The following ACYP2 variants were observed in gnomAD, a reference collection of about 807,000 sequenced individuals.
The protein encoded by ACYP2 is acylphosphatase 2, also known as acylphosphatase-2.
A neutral mutation model predicts 11.2 loss-of-function variants in ACYP2; 12 were observed. That is an observed-to-expected ratio of 1.08 (90% CI 0.69 to 1.74). The LOEUF is 1.74. ACYP2 is among the 40% of genes most tolerant of loss of function. The pLI is 0.00. For synonymous variants in ACYP2, 43 were observed against 32.2 expected (o/e 1.33, Z -1.13); for missense variants, 134 against 101.9 (o/e 1.31, Z -1.35).
At chr2:54,201,662 C>CTTTCTT (rs1553391410) in intron 6 of ACYP2, among the ~76,000 whole-genome samples, 1 of 80,318 alleles carries the variant, frequency 1.2e-5, no homozygotes, top group Non-Finnish European at 2.8e-5. Flanking sequence ...TTCTTTCTTT[C>CTTTCTT]TTTCTTTCTT....
chr2:54,102,638 CAAAAAAA>C (rs58842257), intron 4 of ACYP2, among the ~76,000 whole-genome samples: 2,037 of 81,702 alleles, frequency 0.025, 2 homozygotes, highest in Non-Finnish European at 0.035. Context: ...TGGCTTAAGC[CAAAAAAA>C]AAAAAAAAAA....
At chr2:54,150,888 C>T (rs1419532260) in intron 6 of ACYP2, among the ~76,000 whole-genome samples, 1 of 151,792 alleles carries the variant, frequency 6.6e-6, no homozygotes, top group East Asian at 1.9e-4. Context: ...ACTACAGGCG[C>T]CCACTACCAC....
intron 6 of ACYP2, 68 bp from the exon 4 acceptor site, chr2:54,304,620 G>A: frequency 9.3e-7 from 1 of 1,070,190 alleles, no homozygotes; most frequent in South Asian, 1.4e-5. Flanking sequence ...TACCTACTGT[G>A]GGCTCATTTT....
At chr2:54,264,932 A>G (rs1468461979) in intron 6 of ACYP2, among the ~76,000 whole-genome samples, 2 of 152,240 alleles carry the variant, frequency 1.3e-5, no homozygotes, top group East Asian at 3.8e-4. Flanking sequence ...TTTAGAAGTC[A>G]AGTGTTAAGG....
At chr2:54,290,303 C>A (rs542079253) in intron 6 of ACYP2, among the ~76,000 whole-genome samples, 1 of 151,950 alleles carries the variant, frequency 6.6e-6, no homozygotes, top group South Asian at 2.1e-4. Flanking sequence ...AACCATAGAA[C>A]GTTGCATGCC....
intron 6 of ACYP2, among the ~76,000 whole-genome samples, chr2:54,178,051 C>T (rs1683543366): frequency 6.6e-6 from 1 of 151,706 alleles, no homozygotes; most frequent in South Asian, 2.1e-4. Flanking sequence ...ATTAAAGGTG[C>T]TTGCCATCAC....
chr2:54,070,522 T>C (rs1279398577), intron 4 of ACYP2, among the ~76,000 whole-genome samples: 2 of 152,224 alleles, frequency 1.3e-5, no homozygotes, highest in Non-Finnish European at 1.5e-5. Context: ...GTGAGATTTT[T>C]CCCCACTTAC....
chr2:54,249,126 G>A (rs1297712441), intron 6 of ACYP2, among the ~76,000 whole-genome samples: 1 of 152,088 alleles, frequency 6.6e-6, no homozygotes, highest in Non-Finnish European at 1.5e-5. Flanking sequence ...GTGGTGCATT[G>A]ACAAGGATAT....
chr2:54,042,057 G>C (rs1443499538), intron 2 of ACYP2, among the ~76,000 whole-genome samples: 1 of 149,716 alleles, frequency 6.7e-6, no homozygotes. Context: ...GCCCAGGCTG[G>C]AGTGCAGTGG....
chr2:54,274,980 C>T lies in ACYP2; in HGVS notation c.405-29708C>T, dbSNP rs542817438. On this transcript the variant is annotated intron_variant, in intron 6 of 6. Transcript: ENST00000607452. Reference sequence around the variant, plus strand: ...TCAACCTCACATAGCTCAAAATACTCAGTTCAACCTGAGATGGTCCTGAAT... The same window carrying T: ...TCAACCTCACATAGCTCAAAATACTTAGTTCAACCTGAGATGGTCCTGAAT... Among the ~76,000 whole-genome samples the T allele has an allele frequency of 2.0e-5, 3 of 152,284 alleles. No homozygotes were observed. The South Asian group carries it at 6.2e-4, about 32-fold the overall frequency.
At chr2:54,288,280 G>A (rs1225334159) in intron 6 of ACYP2, among the ~76,000 whole-genome samples, 1 of 151,914 alleles carries the variant, frequency 6.6e-6, no homozygotes, top group African/African-American at 2.4e-5. Flanking sequence ...GGTGACCAAG[G>A]CATATCCTCC....
At chr2:54,085,409 T>A (rs926604103) in intron 4 of ACYP2, among the ~76,000 whole-genome samples, 2 of 152,210 alleles carry the variant, frequency 1.3e-5, no homozygotes, top group Non-Finnish European at 2.9e-5. Flanking sequence ...GACATTAAAC[T>A]GGAGTAAGGG....
chr2:53,979,181 G>A (rs1263275652), intron 2 of ACYP2, among the ~76,000 whole-genome samples: 1 of 152,130 alleles, frequency 6.6e-6, no homozygotes, highest in South Asian at 2.1e-4. Context: ...AGACCTTCCA[G>A]TGCAACAAGA....
rs569961676 is a variant in ACYP2, at chr2:54,035,292, GTC to G, written c.63-15663_63-15662del. On this transcript the variant is annotated intron_variant, in intron 2 of 6. Transcript: ENST00000607452. ...TTTTTTTTTTTTTTTTTGAGACAGA[GTC>G]TCGCTCTGTCGCCCAGGCTGGAGGG... 4.4e-3 allele frequency among the ~76,000 whole-genome samples: 597 copies of G among 136,936 alleles called. 6 individuals carry two copies. The highest frequency in any genetic ancestry group is 0.016 in the African/African-American group (569 of 36,472). The allele number at this position is 136,936 out of a possible 152,430, so 89.8% of individuals were successfully genotyped here.
chr2:54,288,327 C>T (rs1689164715), intron 6 of ACYP2, among the ~76,000 whole-genome samples: 1 of 151,958 alleles, frequency 6.6e-6, no homozygotes, highest in Admixed American at 6.5e-5. Flanking sequence ...AAACTATAGC[C>T]TCATTAACTT....
intron 4 of ACYP2, among the ~76,000 whole-genome samples, chr2:54,060,389 A>G (rs1406035342): frequency 6.6e-6 from 1 of 151,732 alleles, no homozygotes; most frequent in African/African-American, 2.4e-5. Context: ...TGTTCTGATT[A>G]TTCCTTTTTA....
intron 2 of ACYP2, chr2:54,029,499 G>T: frequency 5.3e-6 from 2 of 375,670 alleles, no homozygotes; most frequent in Non-Finnish European, 5.1e-6. Flanking sequence ...TGAATTCATA[G>T]GGAAGTGGTT....
chr2:54,177,139 G>A (rs1470243552), intron 6 of ACYP2, among the ~76,000 whole-genome samples: 1 of 152,092 alleles, frequency 6.6e-6, no homozygotes, highest in Non-Finnish European at 1.5e-5. Flanking sequence ...ACATTCTCCT[G>A]CCCTCCATCC....
At chr2:54,156,604 T>C (rs956220478) in intron 6 of ACYP2, among the ~76,000 whole-genome samples, 4 of 152,244 alleles carry the variant, frequency 2.6e-5, no homozygotes, top group Non-Finnish European at 4.4e-5. Context: ...CATTTCTTTT[T>C]ATGGCTGCAT....
Sources: gnomAD v4.1 joint callset for allele counts (sites outside exome capture counted in the v4.1 genomes callset) on GRCh38, gnomAD v4.1.1 for gene constraint, MANE v1.5 for transcripts, NCBI Gene and HGNC (gene_info 2026-07-23, HGNC 2026-07-21) for gene names.